CPNE8: variants seen among roughly 807,000 people sequenced by gnomAD.
CPNE8 encodes copine-8.
CPNE8 carries 45 observed loss-of-function variants against 81.5 expected under a neutral mutation model. The ratio of observed to expected loss-of-function variants is 0.55; its 90% CI spans 0.44 to 0.71. The LOEUF (loss-of-function observed/expected upper bound fraction) is 0.71. Among genes scored for constraint, CPNE8 ranks in the 30% least tolerant of loss-of-function variants. CPNE8 has a pLI of 0.00. For missense variants in CPNE8, 594 were observed against 672.1 expected, an observed-to-expected ratio of 0.88 and a Z score of 1.28; for synonymous variants, 252 against 226.3, an observed-to-expected ratio of 1.11 and a Z score of -1.02.
At chr12:38,756,604 G>C (rs1018825300) in intron 10 of CPNE8, among the ~76,000 whole-genome samples, 2 of 152,220 alleles carry the variant, frequency 1.3e-5, no homozygotes, top group East Asian at 1.9e-4. Context: ...ATTCTCTCTA[G>C]ATTGAAAGAG....
intron 5 of CPNE8, among the ~76,000 whole-genome samples, chr12:38,833,055 A>C (rs1943315828): frequency 1.4e-5 from 2 of 139,956 alleles, no homozygotes; most frequent in Non-Finnish European, 3.3e-5. Context: ...GTTGGTTTTT[A>C]AGATATTTTT....
chr12:38,720,077 C>A (rs117986851), intron 13 of CPNE8, among the ~76,000 whole-genome samples: 1 of 152,056 alleles, frequency 6.6e-6, no homozygotes, highest in African/African-American at 2.4e-5. Flanking sequence ...GCTCCACCTC[C>A]CCAGAACTGG....
chr12:38,902,328 GAA>G (rs1231731974), intron 1 of CPNE8, among the ~76,000 whole-genome samples: 2 of 59,188 alleles, frequency 3.4e-5, no homozygotes, highest in South Asian at 4.9e-4. Context: ...AAGAAAGAAA[GAA>G]AGAAAGAAAG....
At chr12:38,698,513 C>T (rs1165540411) in intron 14 of CPNE8, among the ~76,000 whole-genome samples, 2 of 152,146 alleles carry the variant, frequency 1.3e-5, no homozygotes, top group African/African-American at 4.8e-5. Context: ...CCTATGTTTT[C>T]TTCTGAGAAT....
chr12:38,695,268 T>C (rs1176089422), intron 14 of CPNE8, among the ~76,000 whole-genome samples: 2 of 152,144 alleles, frequency 1.3e-5, no homozygotes, highest in African/African-American at 4.8e-5. Context: ...CCCTTTGAAA[T>C]ATAAACATCA....
chr12:38,747,684 T>TA (rs1941259701), intron 10 of CPNE8, among the ~76,000 whole-genome samples: 2 of 152,196 alleles, frequency 1.3e-5, no homozygotes, highest in Non-Finnish European at 2.9e-5. Context: ...ACTTGAAATG[T>TA]GGCTAGTATG....
intron 13 of CPNE8, among the ~76,000 whole-genome samples, chr12:38,716,180 C>T (rs1165028528): frequency 6.6e-6 from 1 of 152,220 alleles, no homozygotes; most frequent in Non-Finnish European, 1.5e-5. Context: ...ACATCCCATG[C>T]TCATGGATGG....
intron 5 of CPNE8, among the ~76,000 whole-genome samples, chr12:38,831,212 T>C (rs1943280167): frequency 6.6e-6 from 1 of 151,464 alleles, no homozygotes; most frequent in African/African-American, 2.4e-5. Context: ...AGAGAAGGAC[T>C]CAAGTAAAAA....
chr12:38,882,577 C>T (rs541181252), intron 1 of CPNE8, among the ~76,000 whole-genome samples: 8 of 152,284 alleles, frequency 5.3e-5, no homozygotes, highest in East Asian at 1.9e-4. Flanking sequence ...CCAAGCAAGA[C>T]GCCTCAGTAA....
chr12:38,792,638 A>T (rs758778844), intron 6 of CPNE8, among the ~76,000 whole-genome samples: 2 of 151,800 alleles, frequency 1.3e-5, no homozygotes, highest in Non-Finnish European at 3.0e-5. Flanking sequence ...CAACTACAGA[A>T]TCTGATCAAA....
At chr12:38,665,886 A>T (rs1939048529) in intron 19 of CPNE8, among the ~76,000 whole-genome samples, 3 of 152,178 alleles carry the variant, frequency 2.0e-5, no homozygotes, top group Admixed American at 2.0e-4. Flanking sequence ...TTATTATTCT[A>T]AAACTTAAGT....
At chr12:38,906,665 A>T (rs943923558), upstream of CPNE8, 10 of 937,508 alleles carry the variant, frequency 1.1e-5, no homozygotes, top group African/African-American at 1.8e-4. Context: ...ACTGGTGCCA[A>T]GACGGAGTCG....
chr12:38,903,465 G>A (rs1381480144), intron 1 of CPNE8, among the ~76,000 whole-genome samples: 2 of 152,214 alleles, frequency 1.3e-5, no homozygotes, highest in African/African-American at 2.4e-5. Context: ...ATTGACTTCA[G>A]TATGCCCAGC....
chr12:38,697,635 T>C (rs1168677990), intron 14 of CPNE8, among the ~76,000 whole-genome samples: 1 of 152,156 alleles, frequency 6.6e-6, no homozygotes, highest in African/African-American at 2.4e-5. Context: ...AGTTTGGATG[T>C]TTGTCCCCTC....
chr12:38,884,504 C>T (rs1051513161), intron 1 of CPNE8, among the ~76,000 whole-genome samples: 4 of 152,110 alleles, frequency 2.6e-5, no homozygotes, highest in Admixed American at 2.6e-4. Flanking sequence ...AAGATTTGTA[C>T]AAGTTTTTAT....
chr12:38,798,012 A>G (rs1942543925), intron 6 of CPNE8, among the ~76,000 whole-genome samples: 1 of 152,180 alleles, frequency 6.6e-6, no homozygotes, highest in Non-Finnish European at 1.5e-5. Context: ...AAGAATAAAA[A>G]GAAATGAAGA....
At chr12:38,904,953 G>C (rs1335747319) in intron 1 of CPNE8, among the ~76,000 whole-genome samples, 2 of 152,146 alleles carry the variant, frequency 1.3e-5, no homozygotes, top group Non-Finnish European at 2.9e-5. Flanking sequence ...AAGCTGGAAG[G>C]CTCCAGGAAG....
chr12:38,795,403 C>A (rs1428894402), intron 6 of CPNE8, among the ~76,000 whole-genome samples: 1 of 152,142 alleles, frequency 6.6e-6, no homozygotes, highest in African/African-American at 2.4e-5. Context: ...AAAGCAGGGT[C>A]TTGAAGAGAT....
intron 5 of CPNE8, among the ~76,000 whole-genome samples, chr12:38,837,878 A>C (rs575885932): frequency 6.6e-6 from 1 of 152,190 alleles, no homozygotes; most frequent in Non-Finnish European, 1.5e-5. Flanking sequence ...TGAGAAGATA[A>C]AATTTTCTTA....
Sources: allele counts gnomAD v4.1 joint callset (sites outside exome capture counted in the v4.1 genomes callset), GRCh38; gene constraint gnomAD v4.1.1; transcripts MANE v1.5; gene names NCBI Gene and HGNC (gene_info 2026-07-23, HGNC 2026-07-21).